CDH4: variants seen among roughly 807,000 people sequenced by gnomAD.
CDH4 encodes cadherin 4, also known as cadherin-4.
CDH4 carries 33 observed loss-of-function variants against 86.0 expected under a neutral mutation model. The ratio of observed to expected loss-of-function variants is 0.38; its 90% CI spans 0.29 to 0.51. The LOEUF is 0.51. Among genes scored for constraint, CDH4 ranks in the 20% least tolerant of loss-of-function variants. The probability of loss-of-function intolerance (pLI) is 0.86; values close to 1 mark genes in which losing one functional copy is unlikely to be tolerated. For missense variants in CDH4, 1,114 were observed against 1,307.4 expected (o/e 0.85, Z 2.28); for synonymous variants, 555 against 549.4 (o/e 1.01, Z -0.14).
At chr20:61,742,733 G>A (rs13045675) in intron 2 of CDH4, among the ~76,000 whole-genome samples, 4,437 of 152,252 alleles carry the variant, frequency 0.029, 80 homozygotes, top group South Asian at 0.056. Flanking sequence ...TAATGTGTCC[G>A]GATGAATCTG....
At chr20:61,451,504 A>C (rs2085380416) in intron 2 of CDH4, among the ~76,000 whole-genome samples, 1 of 152,242 alleles carries the variant, frequency 6.6e-6, no homozygotes, top group South Asian at 2.1e-4. Context: ...GGTTCAAATG[A>C]GAAAATGCTT....
chr20:61,853,005 C>A, intron 6 of CDH4, 107 bp downstream of exon 6: 2 of 1,205,484 alleles, frequency 1.7e-6, no homozygotes, highest in Non-Finnish European at 2.3e-6. Flanking sequence ...CAGGATGGTG[C>A]CACGGGACTT....
intron 2 of CDH4, among the ~76,000 whole-genome samples, chr20:61,263,991 C>T (rs771179437): frequency 6.6e-6 from 1 of 152,128 alleles, no homozygotes; most frequent in African/African-American, 2.4e-5. Flanking sequence ...TTACCTTGGG[C>T]CTCCCTGAGT....
At chr20:61,636,364 A>T (rs764974481) in intron 2 of CDH4, among the ~76,000 whole-genome samples, 2 of 152,250 alleles carry the variant, frequency 1.3e-5, no homozygotes, top group Admixed American at 6.5e-5. Context: ...ATCATTAAAA[A>T]TGAAAGAGAG....
At chr20:61,418,961 T>C (rs1237102151) in intron 2 of CDH4, among the ~76,000 whole-genome samples, 1 of 152,230 alleles carries the variant, frequency 6.6e-6, no homozygotes, top group Non-Finnish European at 1.5e-5. Context: ...TTTTTCTGTG[T>C]GTCTGTGACT....
intron 2 of CDH4, among the ~76,000 whole-genome samples, chr20:61,489,883 G>A (rs2085616468): frequency 6.6e-6 from 1 of 152,158 alleles, no homozygotes; most frequent in African/African-American, 2.4e-5. Flanking sequence ...GCATTATTTG[G>A]GGATGCTTCT....
chr20:61,347,120 A>G (rs1444907810), intron 2 of CDH4, among the ~76,000 whole-genome samples: 1 of 152,176 alleles, frequency 6.6e-6, no homozygotes, highest in Non-Finnish European at 1.5e-5. Context: ...GCAGGAACCT[A>G]CATTACCCCT....
chr20:61,622,501 T>C (rs1019071658), intron 2 of CDH4, among the ~76,000 whole-genome samples: 1 of 152,254 alleles, frequency 6.6e-6, no homozygotes, highest in Non-Finnish European at 1.5e-5. Context: ...GACCAGACAC[T>C]TGTGGCCCAT....
chr20:61,732,527 GTC>G (rs1224790890), intron 2 of CDH4, among the ~76,000 whole-genome samples: 1 of 152,182 alleles, frequency 6.6e-6, no homozygotes, highest in African/African-American at 2.4e-5. Flanking sequence ...GCCTTGCACT[GTC>G]TGTTCCCTCT....
At chr20:61,595,503 T>C (rs1338570506) in intron 2 of CDH4, among the ~76,000 whole-genome samples, 2 of 152,250 alleles carry the variant, frequency 1.3e-5, no homozygotes, top group Non-Finnish European at 2.9e-5. Context: ...CCCTGCGTCG[T>C]GTGGGAACAC....
chr20:61,597,906 G>A (rs1182547962), intron 2 of CDH4, among the ~76,000 whole-genome samples: 2 of 152,218 alleles, frequency 1.3e-5, no homozygotes, highest in Non-Finnish European at 2.9e-5. Context: ...CTGAAGGGCA[G>A]GGTGGACCAG....
intron 2 of CDH4, among the ~76,000 whole-genome samples, chr20:61,469,987 G>C (rs2085493347): frequency 6.6e-6 from 1 of 152,110 alleles, no homozygotes; most frequent in South Asian, 2.1e-4. Flanking sequence ...TTGAAGTCAA[G>C]CAATGTAATT....
At chr20:61,907,172 C>G (rs1184851809) in intron 8 of CDH4, among the ~76,000 whole-genome samples, 1 of 152,182 alleles carries the variant, frequency 6.6e-6, no homozygotes, top group Non-Finnish European at 1.5e-5. Context: ...CACCTCACAG[C>G]TCTGTCCCAC....
intron 4 of CDH4, among the ~76,000 whole-genome samples, chr20:61,791,720 G>T (rs958431191): frequency 6.6e-6 from 1 of 152,204 alleles, no homozygotes; most frequent in African/African-American, 2.4e-5. Flanking sequence ...TAGATGGGAC[G>T]TGCCAGCCAA....
At chr20:61,791,934 G>A (rs1568818211) in intron 4 of CDH4, among the ~76,000 whole-genome samples, 1 of 152,158 alleles carries the variant, frequency 6.6e-6, no homozygotes, top group Non-Finnish European at 1.5e-5. Flanking sequence ...GCAGGTCCCA[G>A]GGCCCCCAGC....
intron 6 of CDH4, among the ~76,000 whole-genome samples, chr20:61,854,760 A>G (rs1407655512): frequency 7.8e-5 from 11 of 141,258 alleles, no homozygotes; most frequent in Non-Finnish European, 1.5e-4. Context: ...TGTAGTGTGA[A>G]CAGGGTGAAT....
At chr20:61,679,144 C>G (rs564037807) in intron 2 of CDH4, among the ~76,000 whole-genome samples, 55 of 152,302 alleles carry the variant, frequency 3.6e-4, no homozygotes, top group Non-Finnish European at 5.9e-4. Context: ...TTGGGTGGGT[C>G]AGTGGCTGCG....
intron 2 of CDH4, among the ~76,000 whole-genome samples, chr20:61,396,472 C>G (rs545975119): frequency 6.6e-6 from 1 of 152,186 alleles, no homozygotes; most frequent in African/African-American, 2.4e-5. Context: ...TTGCGTTCTG[C>G]GCATAGACCA....
chr20:61,418,134 C>T (rs1255771905), intron 2 of CDH4, among the ~76,000 whole-genome samples: 1 of 151,934 alleles, frequency 6.6e-6, no homozygotes, highest in African/African-American at 2.4e-5. Context: ...GCCCTTTGGT[C>T]TCAAGAGACA....
Sources: allele counts gnomAD v4.1 joint callset (sites outside exome capture counted in the v4.1 genomes callset), GRCh38; gene constraint gnomAD v4.1.1; transcripts MANE v1.5; gene names NCBI Gene and HGNC (gene_info 2026-07-23, HGNC 2026-07-21).